ROBO1: variants seen among roughly 807,000 people sequenced by gnomAD.
ROBO1 encodes the protein roundabout homolog 1.
ROBO1 carries 149 observed loss-of-function variants against 195.9 expected under a neutral mutation model. The ratio of observed to expected loss-of-function variants is 0.76; its 90% confidence interval spans 0.67 to 0.87. The LOEUF (loss-of-function observed/expected upper bound fraction) is 0.87. Ranked by LOEUF, ROBO1 falls within the 40% of genes least tolerant of loss-of-function variation. ROBO1 has a pLI of 0.00. For missense variants in ROBO1, 1,933 were observed against 2,068.3 expected (o/e 0.93, Z 1.27); for synonymous variants, 816 against 733.2 (o/e 1.11, Z -1.82).
Position 79,470,085 on chromosome 3 carries a change from G to A in ROBO1, c.88+119739C>T, listed in dbSNP as rs551795189. Among the ~76,000 whole-genome samples the A allele has an allele frequency of 5.9e-5, 9 of 152,044 alleles. No individual in the cohort carries two copies. The South Asian group carries it at 6.2e-4, about 11-fold the overall frequency. On this transcript the variant is annotated intron_variant, in intron 2 of 30. Coordinates refer to ENST00000464233, the MANE Select transcript of ROBO1 (RefSeq NM_002941.4). ...GTTTGTTACATATGTATACTAAATCGTGCTGCTATAAAGACACATGAACAT... is the reference window on the plus strand; with the variant it reads ...GTTTGTTACATATGTATACTAAATCATGCTGCTATAAAGACACATGAACAT...
chr3:78,688,504 C>T (rs2081098936), intron 9 of ROBO1, 144 bp downstream of exon 9: 1 of 830,596 alleles, frequency 1.2e-6, no homozygotes, highest in Non-Finnish European at 1.7e-6. Context: ...TTTCTCATTG[C>T]TAAAATGTTC....
At position 79,053,675 on chromosome 3, in the gene ROBO1, A is replaced by G. The variant is rs117385517; in HGVS notation, c.172+71781T>C. On this transcript the variant is annotated intron_variant, in intron 3 of 30. Coordinates refer to ENST00000464233, the MANE Select transcript of ROBO1 (RefSeq NM_002941.4). ...CTTCTGCTCCTTCTGCTCCCCCAAT[A>G]CCCCTTTCTCACACTGTCATTCTGC... Among the ~76,000 whole-genome samples, 150 of 150,350 alleles carry G rather than the reference A, an allele frequency of 1.0e-3. 3 individuals carry two copies. The East Asian group carries it at 0.027, about 27-fold the overall frequency.
At chr3:79,650,556 TTTATGA>T (rs1189682439) in intron 1 of ROBO1, among the ~76,000 whole-genome samples, 4 of 151,716 alleles carry the variant, frequency 2.6e-5, no homozygotes, top group Non-Finnish European at 5.9e-5. Flanking sequence ...CCAGTATAAA[TTTATGA>T]TTAAGTTCAT....
At chr3:78,625,856 G>A (rs1488961064) in intron 26 of ROBO1, among the ~76,000 whole-genome samples, 1 of 151,990 alleles carries the variant, frequency 6.6e-6, no homozygotes, top group Non-Finnish European at 1.5e-5. Context: ...AAGGCAGAAG[G>A]AGTTCAACAA....
intron 1 of ROBO1, among the ~76,000 whole-genome samples, chr3:79,695,459 T>G (rs998114289): frequency 6.6e-6 from 1 of 151,622 alleles, no homozygotes; most frequent in Non-Finnish European, 1.5e-5. Context: ...ATATGGGCTA[T>G]TGATTATCAA....
At chr3:79,250,723 T>A (rs1290294175) in intron 2 of ROBO1, among the ~76,000 whole-genome samples, 1 of 152,268 alleles carries the variant, frequency 6.6e-6, no homozygotes, top group African/African-American at 2.4e-5. Flanking sequence ...ACTAATAATT[T>A]TAATATATAA....
chr3:79,174,134 C>T (rs1310996066), intron 2 of ROBO1, among the ~76,000 whole-genome samples: 2 of 152,088 alleles, frequency 1.3e-5, no homozygotes, highest in East Asian at 1.9e-4. Context: ...CTCAGGTCCC[C>T]TTCCACACTG....
chr3:78,701,060 G>A (rs1043049131), intron 8 of ROBO1, among the ~76,000 whole-genome samples: 10 of 152,090 alleles, frequency 6.6e-5, no homozygotes, highest in African/African-American at 2.4e-4. Context: ...CACCATGCCC[G>A]GCCTCTCCAG....
intron 4 of ROBO1, among the ~76,000 whole-genome samples, chr3:78,864,044 T>G (rs2035013231): frequency 6.6e-6 from 1 of 152,210 alleles, no homozygotes; most frequent in Admixed American, 6.5e-5. Flanking sequence ...GCTTGCTGCT[T>G]TCTATGCTAT....
At chr3:78,654,768 G>C (rs1706889657) in intron 18 of ROBO1, among the ~76,000 whole-genome samples, 1 of 152,094 alleles carries the variant, frequency 6.6e-6, no homozygotes, top group Non-Finnish European at 1.5e-5. Flanking sequence ...AGCCCCCATG[G>C]TTTCAATCTT....
At chr3:79,113,405 A>G (rs1368161459) in intron 3 of ROBO1, among the ~76,000 whole-genome samples, 1 of 152,042 alleles carries the variant, frequency 6.6e-6, no homozygotes, top group Non-Finnish European at 1.5e-5. Flanking sequence ...TTTAATAGAA[A>G]GAAGCTTTTA....
rs1344600138 is a variant in ROBO1, at chr3:78,819,104, A to C, written c.500-72204T>G. Among the ~76,000 whole-genome samples the C allele has an allele frequency of 2.0e-5, 3 of 152,038 alleles. No individual in the cohort carries two copies. The East Asian group carries it at 5.8e-4, about 29-fold the overall frequency. ...CGCCCCGTGGACAACAGGGGACTAC[A>C]GTGTTTGGTTTTTGTTGTTCTGGTA... is the stretch of plus-strand genomic sequence containing the variant. On this transcript the variant is annotated intron_variant, in intron 4 of 30. Coordinates refer to ENST00000464233, the MANE Select transcript of ROBO1 (RefSeq NM_002941.4).
intron 3 of ROBO1, among the ~76,000 whole-genome samples, chr3:79,029,245 T>C (rs2078252686): frequency 6.6e-6 from 1 of 152,098 alleles, no homozygotes; most frequent in Non-Finnish European, 1.5e-5. Context: ...TTTGAAAGAC[T>C]TAGTTATCCC....
At chr3:79,311,755 A>G (rs1230062551) in intron 2 of ROBO1, among the ~76,000 whole-genome samples, 1 of 152,130 alleles carries the variant, frequency 6.6e-6, no homozygotes, top group Non-Finnish European at 1.5e-5. Context: ...ACGTACATTA[A>G]CTTAATCAGC....
At chr3:79,467,004 G>C (rs1326890291) in intron 2 of ROBO1, among the ~76,000 whole-genome samples, 4 of 152,110 alleles carry the variant, frequency 2.6e-5, no homozygotes, top group African/African-American at 7.2e-5. Flanking sequence ...ATGAAGGCTA[G>C]TAATACCAAC....
intron 8 of ROBO1, among the ~76,000 whole-genome samples, chr3:78,711,816 G>T (rs145020101): frequency 6.6e-6 from 1 of 151,004 alleles, no homozygotes; most frequent in African/African-American, 2.4e-5. Flanking sequence ...CATTCAAGCA[G>T]AAGTCTGAAA....
intron 2 of ROBO1, among the ~76,000 whole-genome samples, chr3:79,323,316 A>T (rs1277881453): frequency 1.3e-5 from 2 of 152,166 alleles, no homozygotes; most frequent in Non-Finnish European, 1.5e-5. Context: ...TCTTGACCTC[A>T]TGATCCACCC....
intron 3 of ROBO1, among the ~76,000 whole-genome samples, chr3:79,058,882 T>A (rs2078862227): frequency 6.6e-6 from 1 of 152,092 alleles, no homozygotes; most frequent in Non-Finnish European, 1.5e-5. Flanking sequence ...ATCGCTGTTA[T>A]AATGGGCCTA....
chr3:79,314,987 C>A (rs1015791498), intron 2 of ROBO1, among the ~76,000 whole-genome samples: 4 of 152,054 alleles, frequency 2.6e-5, no homozygotes, highest in African/African-American at 9.7e-5. Context: ...AAAGTTCTCA[C>A]CGAAATGTCT....
Sources: allele counts gnomAD v4.1 joint callset (sites outside exome capture counted in the v4.1 genomes callset), GRCh38; gene constraint gnomAD v4.1.1; transcripts MANE v1.5; gene names NCBI Gene and HGNC (gene_info 2026-07-23, HGNC 2026-07-21).